The following SNX29 variants were observed in gnomAD, a reference collection of about 807,000 sequenced individuals.
SNX29 encodes sorting nexin-29.
Under a neutral mutation model 102.1 loss-of-function variants are expected in SNX29, and 78 were observed. The observed-to-expected ratio is 0.76, with a 90% CI of 0.64 to 0.92. The LOEUF is 0.92. Among genes scored for constraint, SNX29 ranks in the 40% least tolerant of loss-of-function variants. The pLI is 0.00. For synonymous variants in SNX29, 580 were observed against 414.5 expected, an observed-to-expected ratio of 1.40 and a Z score of -4.85; for missense variants, 1,280 against 1,061.7, an observed-to-expected ratio of 1.21 and a Z score of -2.86.
chr16:12,002,843 C>G, intron 2 of SNX29, 148 bp from the exon 3 acceptor site: 1 of 770,974 alleles, frequency 1.3e-6, no homozygotes, highest in South Asian at 1.8e-5. Context: ...TGTGCTGATA[C>G]CCAGGGGACA....
chr16:12,494,398 C>T (rs1003491029), intron 19 of SNX29, among the ~76,000 whole-genome samples: 7 of 152,204 alleles, frequency 4.6e-5, no homozygotes, highest in Non-Finnish European at 7.3e-5. Flanking sequence ...TCAGACTCCG[C>T]GCACTGAGAG....
chr16:12,123,437 C>T (rs1252943770), intron 11 of SNX29, among the ~76,000 whole-genome samples: 1 of 152,122 alleles, frequency 6.6e-6, no homozygotes, highest in African/African-American at 2.4e-5. Context: ...GCCAACATCA[C>T]CCATCTCTCT....
intron 15 of SNX29, among the ~76,000 whole-genome samples, chr16:12,313,674 G>C (rs139767267): frequency 3.7e-4 from 57 of 152,328 alleles, no homozygotes; most frequent in African/African-American, 1.3e-3. Flanking sequence ...GGCCCCATGA[G>C]GGCAGGGAAG....
At chr16:12,077,502 A>G (rs2051637534) in intron 10 of SNX29, among the ~76,000 whole-genome samples, 2 of 151,634 alleles carry the variant, frequency 1.3e-5, no homozygotes, top group Non-Finnish European at 1.5e-5. Context: ...GTTGTAAATT[A>G]TTTGTAAACA....
intron 10 of SNX29, among the ~76,000 whole-genome samples, chr16:12,076,905 G>C (rs350244): frequency 0.85 from 128,825 of 152,194 alleles, 54,926 homozygotes; most frequent in African/African-American, 0.94. Context: ...GAAGCTTGTC[G>C]CAGTTAGTTC....
intron 20 of SNX29, among the ~76,000 whole-genome samples, chr16:12,552,307 A>C (rs916690208): frequency 2.6e-5 from 4 of 152,102 alleles, no homozygotes; most frequent in African/African-American, 9.7e-5. Flanking sequence ...CCTCTTCTAG[A>C]AGAGGTGATA....
intron 11 of SNX29, among the ~76,000 whole-genome samples, chr16:12,122,147 A>G (rs1596970714): frequency 1.3e-5 from 2 of 152,188 alleles, no homozygotes; most frequent in East Asian, 1.9e-4. Context: ...TCTTTTGAGC[A>G]CTTGGCTTTC....
intron 20 of SNX29, among the ~76,000 whole-genome samples, chr16:12,554,064 G>T (rs2856787): frequency 6.6e-6 from 1 of 152,144 alleles, no homozygotes; most frequent in East Asian, 1.9e-4. Context: ...GACCTCAAAT[G>T]ATCCTCTCAC....
chr16:12,249,864 C>G (rs983922502), intron 14 of SNX29, among the ~76,000 whole-genome samples: 1 of 152,252 alleles, frequency 6.6e-6, no homozygotes. Flanking sequence ...TTTACTTACT[C>G]TTTCACACTG....
chr16:12,121,586 C>T (rs888063920), intron 11 of SNX29, among the ~76,000 whole-genome samples: 4 of 152,216 alleles, frequency 2.6e-5, no homozygotes, highest in Non-Finnish European at 5.9e-5. Context: ...TTTCCAACAC[C>T]TGCCGCTTTG....
rs140837848 is a variant in SNX29 at position 12,368,775 on chromosome 16, G to A, written c.1899+12496G>A. On this transcript the variant is annotated intron_variant, in intron 16 of 20. Transcript: ENST00000566228. ...TGTGAATGCATGGTTTGAGTTTGCC[G>A]CTCACAACGTCACCTGCAGGAGAAG... Among the ~76,000 whole-genome samples the A allele has an allele frequency of 3.3e-3, 499 of 152,348 alleles. 7 individuals are homozygous for A. The highest frequency in any genetic ancestry group is 0.011 in the African/African-American group (464 of 41,582).
chr16:12,526,417 A>C (rs1364228983), intron 20 of SNX29: 1 of 392,636 alleles, frequency 2.5e-6, no homozygotes, highest in African/African-American at 2.1e-5. Context: ...AGATTTTCTA[A>C]TTGTTCCGGG....
At chr16:12,525,752 C>A (rs2076765559) in intron 20 of SNX29, among the ~76,000 whole-genome samples, 1 of 137,642 alleles carries the variant, frequency 7.3e-6, no homozygotes, top group African/African-American at 2.7e-5. Context: ...TGTCAATTAA[C>A]CCAACGGATG....
intron 20 of SNX29, chr16:12,527,484 T>C (rs2076818291): frequency 4.7e-6 from 2 of 429,598 alleles, no homozygotes; most frequent in Non-Finnish European, 8.8e-6. Context: ...AAAAGTCCAT[T>C]TGAGTTACTG....
intron 14 of SNX29, among the ~76,000 whole-genome samples, chr16:12,269,674 T>G (rs1353362305): frequency 1.3e-5 from 2 of 152,210 alleles, no homozygotes; most frequent in Non-Finnish European, 2.9e-5. Flanking sequence ...GGGCAGAAAT[T>G]GTTAATGCAT....
At chr16:12,162,802 C>G (rs1027894075) in intron 13 of SNX29, among the ~76,000 whole-genome samples, 7 of 152,192 alleles carry the variant, frequency 4.6e-5, no homozygotes, top group Non-Finnish European at 7.4e-5. Flanking sequence ...ATGCCTGTTC[C>G]ATGCAGGTCA....
chr16:11,999,584 C>T (rs1260078419), intron 2 of SNX29, among the ~76,000 whole-genome samples: 7 of 152,106 alleles, frequency 4.6e-5, no homozygotes, highest in Non-Finnish European at 8.8e-5. Context: ...CTAGAGGACC[C>T]CATCCGTCAG....
At chr16:12,514,737 T>C (rs1794303) in intron 19 of SNX29, among the ~76,000 whole-genome samples, 53,201 of 151,878 alleles carry the variant, frequency 0.35, 9,759 homozygotes, top group East Asian at 0.58. Flanking sequence ...TGGTGGCATG[T>C]ACCTGTAATC....
Position 12,568,829 on chromosome 16 carries a change from A to G in SNX29, c.*200A>G, listed in dbSNP as rs930906969. ...CATGATACCGTGACCCGAGAGACCA[A>G]GGCAGCACCTCGCTGGAGAGACTGG... On this transcript the variant is annotated 3_prime_UTR_variant, in exon 21 of 21. Coordinates refer to ENST00000566228, the MANE Select transcript of SNX29 (RefSeq NM_032167.5). 4 of 799,496 alleles carry G rather than the reference A, an allele frequency of 5.0e-6. No homozygotes were observed. The African/African-American group carries it at 5.2e-5, about 10-fold the overall frequency. 49.5% of individuals were successfully genotyped at this position (799,496 alleles called of 1,614,324 possible). A position where few individuals can be genotyped will look rare whatever the true frequency, so the allele number is the denominator to read the frequency against.
Sources: gnomAD v4.1 joint callset for allele counts (sites outside exome capture counted in the v4.1 genomes callset) on GRCh38, gnomAD v4.1.1 for gene constraint, MANE v1.5 for transcripts, NCBI Gene and HGNC (gene_info 2026-07-23, HGNC 2026-07-21) for gene names.